Variants in ZFR2 observed in about 807,000 individuals in gnomAD.
The protein encoded by ZFR2 is zinc finger RNA-binding protein 2.
Under a neutral mutation model 105.7 loss-of-function variants are expected in ZFR2, and 104 were observed. The ratio of observed to expected loss-of-function variants is 0.98; its 90% CI spans 0.84 to 1.16. The LOEUF is 1.16. Among genes scored for constraint, ZFR2 ranks in the 50% most tolerant of loss-of-function variants. The probability of loss-of-function intolerance (pLI) is 0.00; values close to 1 mark genes in which losing one functional copy is unlikely to be tolerated. For missense variants in ZFR2, 1,425 were observed against 1,355.5 expected (o/e 1.05, Z -0.80); for synonymous variants, 634 against 597.7 (o/e 1.06, Z -0.89).
intron 1 of ZFR2, among the ~76,000 whole-genome samples, chr19:3,864,123 G>T (rs1238869967): frequency 6.6e-6 from 1 of 152,254 alleles, no homozygotes; most frequent in Non-Finnish European, 1.5e-5. Context: ...GGGAGGAAGT[G>T]CCTGTAATCC....
chr19:3,855,656 A>C (rs373265175), intron 1 of ZFR2: 6 of 392,100 alleles, frequency 1.5e-5, no homozygotes, highest in African/African-American at 1.0e-4. Context: ...AGGGGGTGTG[A>C]GCAGGGGGTT....
At position 3,813,923 on chromosome 19, in the gene ZFR2, G is replaced by A; in HGVS notation, c.2139C>T (p.Asp713=). 2 of 1,613,966 alleles carry A rather than the reference G, an allele frequency of 1.2e-6. No individual in the cohort carries two copies. The highest frequency in any genetic ancestry group is 4.5e-5 in the East Asian group (2 of 44,882). ...AGGAGATGACAATGTTGGCTTCAGG[G>A]TCGGAGGAGACCTCATACTCATCCT... ...VTEDEYEVSS[D]PEANIVISSC... The change falls in exon 14 of 19, where the codon GAC becomes GAT. Residue 713 remains aspartate (D), a synonymous_variant. Coordinates refer to ENST00000262961, the MANE Select transcript of ZFR2 (RefSeq NM_015174.2). This position sits in a 1 kb window ranked among gnomAD's most constrained non-coding sequence, Gnocchi z 4.4.
intron 1 of ZFR2, chr19:3,855,676 C>G (rs1302373474): frequency 5.3e-6 from 2 of 379,068 alleles, no homozygotes; most frequent in Non-Finnish European, 9.3e-6. Context: ...TGCACTTTCT[C>G]ACGGGCTGGT....
At position 3,823,740 on chromosome 19, in the gene ZFR2, C is replaced by T. The variant is rs2037920736; in HGVS notation, c.1214-337G>A. ...CCAAGGCTCGCACTTAACCTACCCC[C>T]GTTAGGCGAAATGATGGAGCCTCGG... On this transcript the variant is annotated intron_variant, in intron 7 of 18. Coordinates refer to ENST00000262961, the MANE Select transcript of ZFR2 (RefSeq NM_015174.2). The surrounding 1 kb of genome is among the most constrained non-coding windows in gnomAD (Gnocchi z 5.4). 6.6e-6 allele frequency among the ~76,000 whole-genome samples: 1 copy of T among 152,172 alleles called. No individual in the cohort carries two copies. Among genetic ancestry groups the T allele is most frequent in the Non-Finnish European group, 1.5e-5 (1 of 68,038 alleles).
chr19:3,810,466 C>G (rs2037749768), intron 16 of ZFR2, among the ~76,000 whole-genome samples: 1 of 152,248 alleles, frequency 6.6e-6, no homozygotes, highest in Non-Finnish European at 1.5e-5. Context: ...CTGGGCCCCT[C>G]TGCCCCGGTG....
At position 3,806,055 on chromosome 19, in the gene ZFR2, T is replaced by G; in HGVS notation, c.2714A>C (p.His905Pro). The G allele has an allele frequency of 6.5e-7, 1 of 1,535,406 alleles. No individual in the cohort carries two copies. Among genetic ancestry groups the G allele is most frequent in the Non-Finnish European group, 8.8e-7 (1 of 1,141,808 alleles). The change falls in exon 19 of 19, where the codon CAC (histidine) becomes CCC (proline). Residue 905 changes from histidine (H) to proline (P), a missense_variant. Transcript: ENST00000262961. The part of the protein sequence containing the change: ...VLGMDLLPPR[H>P]RLGARFRKRQ... ...CTTCCGGAAGCGGGCCCCCAGCCGG[T>G]GTCTGGGCGGCAGGAGATCCATGCC...
intron 1 of ZFR2, among the ~76,000 whole-genome samples, chr19:3,840,329 T>G (rs1394825811): frequency 7.0e-6 from 1 of 142,278 alleles, no homozygotes; most frequent in Non-Finnish European, 1.5e-5. Context: ...CCTCTGCCCC[T>G]CGGGTTCAAG....
chr19:3,854,470 T>C (rs1315341374), intron 1 of ZFR2, among the ~76,000 whole-genome samples: 1 of 152,198 alleles, frequency 6.6e-6, no homozygotes, highest in Non-Finnish European at 1.5e-5. Flanking sequence ...CAGAGTCTGA[T>C]TCAGAGACAC....
intron 1 of ZFR2, among the ~76,000 whole-genome samples, chr19:3,857,683 G>A (rs1047187610): frequency 2.8e-4 from 38 of 134,972 alleles, no homozygotes; most frequent in Admixed American, 2.6e-3. Flanking sequence ...GCAATGAAGC[G>A]AGACCCTGTC....
chr19:3,839,915 G>A (rs889874648), intron 1 of ZFR2, among the ~76,000 whole-genome samples: 3 of 151,742 alleles, frequency 2.0e-5, no homozygotes, highest in Non-Finnish European at 2.9e-5. Context: ...GTGCAATGGC[G>A]CGATCACAGT....
chr19:3,844,653 G>A (rs898556236), intron 1 of ZFR2, among the ~76,000 whole-genome samples: 10 of 152,204 alleles, frequency 6.6e-5, no homozygotes, highest in Non-Finnish European at 1.3e-4. Flanking sequence ...ACATGTGTGA[G>A]CCACTGCGCC....
Position 3,834,732 on chromosome 19 carries a change from C to CA in ZFR2, c.264+40dup, listed in dbSNP as rs1255448311. On this transcript the variant is annotated intron_variant, in intron 2 of 18. Transcript: ENST00000262961. The surrounding 1 kb of genome is among the most constrained non-coding windows in gnomAD (Gnocchi z 5.3). ...CCGCTCTCACCCATGCAAGGCGACC[C>CA]ACGTTTCCCGGCAACGCTGGTCAAA... 6.3e-7 allele frequency: 1 copy of CA among 1,595,668 alleles called. No homozygotes were observed. Among genetic ancestry groups the CA allele is most frequent in the Admixed American group, 1.7e-5 (1 of 58,152 alleles).
Position 3,831,010 on chromosome 19 carries a change from T to C in ZFR2, c.852+293A>G, listed in dbSNP as rs146126675. Among the ~76,000 whole-genome samples the C allele has an allele frequency of 6.0e-4, 90 of 150,530 alleles. 1 individual carries two copies. The East Asian group carries it at 9.2e-3, about 15-fold the overall frequency. ...ACACACGCTTGCACACACAGGCACA[T>C]GCAGGCACACATGCGCACACATACG... On this transcript the variant is annotated intron_variant, in intron 5 of 18. Coordinates refer to ENST00000262961, the MANE Select transcript of ZFR2 (RefSeq NM_015174.2).
rs370490699 is a variant in ZFR2, at chr19:3,822,139, T to C, written c.1433A>G (p.Asn478Ser). ...GTGCAGGTCCTTCGCGTTAAGGTCG[T>C]TGAAACTGCACTCGCACAGCTTGCA... Reference protein sequence around the residue: ...FHCKLCECSFNDLNAKDLHVR... With the variant: ...FHCKLCECSFSDLNAKDLHVR... The change falls in exon 9 of 19, where the codon AAC becomes AGC. Residue 478 changes from asparagine (N) to serine (S), a missense_variant. Transcript: ENST00000262961. 229 of 1,610,226 alleles carry C rather than the reference T, an allele frequency of 1.4e-4. No individual in the cohort carries two copies. Among genetic ancestry groups the C allele is most frequent in the Non-Finnish European group, 1.9e-4 (219 of 1,178,672 alleles).
intron 1 of ZFR2, among the ~76,000 whole-genome samples, chr19:3,836,453 T>C (rs2038076842): frequency 6.6e-6 from 1 of 152,296 alleles, no homozygotes; most frequent in Non-Finnish European, 1.5e-5. Context: ...TCTCAGTAGC[T>C]GAGAACACAA....
At chr19:3,832,294 C>G (rs1160751128) in intron 3 of ZFR2, among the ~76,000 whole-genome samples, 1 of 152,052 alleles carries the variant, frequency 6.6e-6, no homozygotes, top group Non-Finnish European at 1.5e-5. Flanking sequence ...GGCTCACCTG[C>G]AAATCTAGGA....
intron 3 of ZFR2, among the ~76,000 whole-genome samples, chr19:3,832,327 AT>A (rs59657573): frequency 0.024 from 3,467 of 145,954 alleles, 46 homozygotes; most frequent in African/African-American, 0.038. Flanking sequence ...CATTATTATT[AT>A]TTTTTTTTTT....
intron 1 of ZFR2, among the ~76,000 whole-genome samples, chr19:3,842,645 C>T (rs1405562268): frequency 4.2e-5 from 6 of 144,312 alleles, no homozygotes; most frequent in Non-Finnish European, 7.5e-5. Flanking sequence ...TTTTTTGAGA[C>T]GGAGTTTTGC....
At chr19:3,854,013 G>A (rs1445170261) in intron 1 of ZFR2, among the ~76,000 whole-genome samples, 4 of 152,034 alleles carry the variant, frequency 2.6e-5, no homozygotes, top group East Asian at 1.9e-4. Context: ...AAGCCCTGGA[G>A]TTTGAGGCTG....
Sources: gnomAD v4.1 joint callset for allele counts (sites outside exome capture counted in the v4.1 genomes callset) on GRCh38, gnomAD v4.1.1 for gene constraint, Gnocchi (gnomAD v3.1) non-coding constraint, MANE v1.5 for transcripts, NCBI Gene and HGNC (gene_info 2026-07-23, HGNC 2026-07-21) for gene names.